The following RNLS variants were observed in gnomAD, a reference collection of about 807,000 sequenced individuals.
The protein encoded by RNLS is renalase, FAD dependent amine oxidase, also known as renalase.
In RNLS, 39 loss-of-function variants were observed where a neutral mutation model predicts 39.8. That is an observed-to-expected ratio of 0.98 (90% CI 0.76 to 1.28). The LOEUF (loss-of-function observed/expected upper bound fraction) is 1.28, where lower values mean the gene tolerates loss of function less well. Ranked by LOEUF, RNLS falls within the 50% of genes most tolerant of loss-of-function variation. The probability of loss-of-function intolerance (pLI) is 0.00; values close to 1 mark genes in which losing one functional copy is unlikely to be tolerated. For missense variants in RNLS, 410 were observed against 413.3 expected (o/e 0.99, Z 0.07); for synonymous variants, 147 against 150.7 (o/e 0.98, Z 0.18).
chr10:88,369,443 T>C (rs186708582), intron 4 of RNLS, among the ~76,000 whole-genome samples: 2 of 152,274 alleles, frequency 1.3e-5, no homozygotes, highest in Admixed American at 1.3e-4. Context: ...ATTCCTCCTG[T>C]TCCTTCCTGC....
At chr10:88,314,381 G>A in intron 6 of RNLS, 85 bp downstream of exon 6, 2 of 1,340,152 alleles carry the variant, frequency 1.5e-6, no homozygotes, top group South Asian at 2.7e-5. Context: ...TTTCACTAGA[G>A]AGTGCAAAGG....
chr10:88,417,806 C>T (rs954164941), intron 4 of RNLS, among the ~76,000 whole-genome samples: 6 of 152,128 alleles, frequency 3.9e-5, no homozygotes, highest in Admixed American at 2.0e-4. Flanking sequence ...GAATCTTTAC[C>T]GTTTTGGCTT....
intron 4 of RNLS, among the ~76,000 whole-genome samples, chr10:88,552,000 C>G (rs1327552083): frequency 6.6e-6 from 1 of 152,206 alleles, no homozygotes; most frequent in East Asian, 1.9e-4. Context: ...GTGCCAGGCA[C>G]ATAACGAACA....
intron 6 of RNLS, among the ~76,000 whole-genome samples, chr10:88,303,711 A>C (rs1199066605): frequency 6.6e-6 from 1 of 152,092 alleles, no homozygotes; most frequent in Non-Finnish European, 1.5e-5. Flanking sequence ...AAAACCAGCC[A>C]GCCTTACCTC....
At chr10:88,327,118 T>C (rs1419455773) in intron 5 of RNLS, among the ~76,000 whole-genome samples, 1 of 152,218 alleles carries the variant, frequency 6.6e-6, no homozygotes, top group East Asian at 1.9e-4. Context: ...GACTTGCCTT[T>C]TCTCAGATGA....
chr10:88,174,238 A>AT, the RNLS span, among the ~76,000 whole-genome samples: 122 of 148,478 alleles, frequency 8.2e-4, no homozygotes, highest in African/African-American at 2.3e-3. Flanking sequence ...AATGCTCTTC[A>AT]TTTTTTTTTT....
chr10:88,174,375 C>G, the RNLS span, among the ~76,000 whole-genome samples: 1 of 152,040 alleles, frequency 6.6e-6, no homozygotes, highest in Non-Finnish European at 1.5e-5. Context: ...TTTCCCCATA[C>G]AGTATAATGT....
the RNLS span, among the ~76,000 whole-genome samples, chr10:88,174,798 C>T: frequency 1.3e-5 from 2 of 152,124 alleles, no homozygotes; most frequent in Admixed American, 1.3e-4. Context: ...GAATTCCCTC[C>T]TCTTAAATTT....
intron 5 of RNLS, among the ~76,000 whole-genome samples, chr10:88,325,885 T>C (rs910231010): frequency 7.9e-5 from 12 of 152,052 alleles, no homozygotes; most frequent in Non-Finnish European, 2.9e-5. Context: ...CTTGTAATAG[T>C]GAGTGACTTC....
intron 4 of RNLS, among the ~76,000 whole-genome samples, chr10:88,438,230 C>T (rs1477698155): frequency 6.6e-6 from 1 of 151,886 alleles, no homozygotes; most frequent in Non-Finnish European, 1.5e-5. Context: ...ACCTTGCAGC[C>T]ATGAGTCAAT....
intron 3 of RNLS, among the ~76,000 whole-genome samples, chr10:88,576,887 G>A (rs1850242955): frequency 6.6e-6 from 1 of 152,134 alleles, no homozygotes. Context: ...GCTAGCCAAT[G>A]TCCTTTTTAG....
chr10:88,424,010 A>T (rs117162091), intron 4 of RNLS, among the ~76,000 whole-genome samples: 7 of 152,156 alleles, frequency 4.6e-5, no homozygotes, highest in Non-Finnish European at 1.0e-4. Flanking sequence ...CTTATCTCTC[A>T]TGTAAAGTCT....
At chr10:88,340,594 C>CAA (rs1847857282) in intron 5 of RNLS, among the ~76,000 whole-genome samples, 1 of 152,062 alleles carries the variant, frequency 6.6e-6, no homozygotes, top group South Asian at 2.1e-4. Context: ...ATGATACTAC[C>CAA]TCTTCAATCC....
rs1393587760 is a variant in RNLS at position 88,470,629 on chromosome 10, T to TA, written c.526+102273_526+102274insT. Among the ~76,000 whole-genome samples, 201 of 151,578 alleles carry TA rather than the reference T, an allele frequency of 1.3e-3. 2 individuals are homozygous for TA. Among genetic ancestry groups the TA allele is most frequent in the East Asian group, 7.7e-4 (4 of 5,170 alleles). On this transcript the variant is annotated intron_variant, in intron 4 of 6. Coordinates refer to ENST00000331772, the MANE Select transcript of RNLS (RefSeq NM_001031709.3). Reference sequence around the variant, plus strand: ...TTTTGTAATTTTAATTTTTTTTTTTTTTTTGAGACAGAGTCTCGCTCTGTT... The same window carrying TA: ...TTTTGTAATTTTAATTTTTTTTTTTTATTTTGAGACAGAGTCTCGCTCTGTT...
rs549755786 is a variant in RNLS, at chr10:88,467,937, G to A, written c.526+104966C>T. Among the ~76,000 whole-genome samples, 182 of 152,308 alleles carry A rather than the reference G, an allele frequency of 1.2e-3. 1 individual carries two copies. The highest frequency in any genetic ancestry group is 4.2e-3 in the African/African-American group (174 of 41,572). ...GAGATCTGCATGCATATTACACTTT[G>A]GGAAGCATTGCCTTTTGCTACAGCC... is the stretch of plus-strand genomic sequence containing the variant. On this transcript the variant is annotated intron_variant, in intron 4 of 6. Transcript: ENST00000331772.
rs1239172681 is a variant in RNLS at position 88,549,023 on chromosome 10, G to A, written c.526+23880C>T. On this transcript the variant is annotated intron_variant, in intron 4 of 6. Transcript: ENST00000331772. Reference sequence around the variant, plus strand: ...ACTGGCAGGACTGAATGGATAGAAAGTAACAGATGGTATTCAATGTGAAAA... The same window carrying A: ...ACTGGCAGGACTGAATGGATAGAAAATAACAGATGGTATTCAATGTGAAAA... Among the ~76,000 whole-genome samples the A allele has an allele frequency of 1.1e-4, 16 of 152,098 alleles. No individual in the cohort carries two copies. The East Asian group carries it at 2.7e-3, about 26-fold the overall frequency.
intron 4 of RNLS, among the ~76,000 whole-genome samples, chr10:88,478,474 C>T (rs1275098021): frequency 6.6e-6 from 1 of 152,146 alleles, no homozygotes; most frequent in Non-Finnish European, 1.5e-5. Flanking sequence ...TACCTATCAT[C>T]TCAAGTTCAA....
intron 4 of RNLS, among the ~76,000 whole-genome samples, chr10:88,538,539 T>C (rs1847892366): frequency 6.6e-6 from 1 of 152,148 alleles, no homozygotes; most frequent in Non-Finnish European, 1.5e-5. Context: ...AAAGAAATAA[T>C]AAAATACTCC....
chr10:88,207,726 T>G, the RNLS span, among the ~76,000 whole-genome samples: 1 of 152,194 alleles, frequency 6.6e-6, no homozygotes, highest in African/African-American at 2.4e-5. Flanking sequence ...GCTAGAACTC[T>G]CTGTTAGCAG....
Sources: allele counts gnomAD v4.1 joint callset (sites outside exome capture counted in the v4.1 genomes callset), GRCh38; gene constraint gnomAD v4.1.1; transcripts MANE v1.5; gene names NCBI Gene and HGNC (gene_info 2026-07-23, HGNC 2026-07-21).